KIAA1217: variants seen among roughly 807,000 people sequenced by gnomAD.
The protein encoded by KIAA1217 is KIAA1217, also known as sickle tail protein homolog.
KIAA1217 carries 88 observed loss-of-function variants against 163.9 expected under a neutral mutation model. The observed-to-expected ratio is 0.54, with a 90% CI of 0.45 to 0.64. KIAA1217 has a LOEUF of 0.64. Among genes scored for constraint, KIAA1217 ranks in the 30% least tolerant of loss-of-function variants. The pLI, the probability that KIAA1217 is intolerant of heterozygous loss-of-function variation, is 0.00. For missense variants in KIAA1217, 2,372 were observed against 2,475.0 expected (o/e 0.96, Z 0.88); for synonymous variants, 903 against 923.1 (o/e 0.98, Z 0.39).
At chr10:24,060,638 AT>A (rs1044445618) in intron 2 of KIAA1217, among the ~76,000 whole-genome samples, 12 of 151,994 alleles carry the variant, frequency 7.9e-5, no homozygotes, top group African/African-American at 2.9e-4. Context: ...CTACAAAAAA[AT>A]TTTTTTATGA....
intron 2 of KIAA1217, among the ~76,000 whole-genome samples, chr10:24,017,321 A>G (rs1247328767): frequency 2.6e-5 from 4 of 152,056 alleles, no homozygotes; most frequent in Non-Finnish European, 5.9e-5. Context: ...TGGCTTCCCA[A>G]AGTGCTGGGA....
chr10:24,116,597 C>G (rs534526294), intron 2 of KIAA1217, among the ~76,000 whole-genome samples: 52 of 152,034 alleles, frequency 3.4e-4, no homozygotes, highest in Non-Finnish European at 6.5e-4. Flanking sequence ...GCCCATGGGC[C>G]ATAGTTTGTG....
At chr10:24,381,135 C>A in intron 3 of KIAA1217, 68 bp downstream of exon 3, 1 of 1,140,618 alleles carries the variant, frequency 8.8e-7, no homozygotes, top group Non-Finnish European at 1.2e-6. Flanking sequence ...TACTACTGAA[C>A]CTATACTCTT....
intron 1 of KIAA1217, among the ~76,000 whole-genome samples, chr10:23,895,075 G>T (rs1158848339): frequency 6.6e-6 from 1 of 152,190 alleles, no homozygotes; most frequent in East Asian, 1.9e-4. Context: ...CAGGACATAG[G>T]CATGGGCAAG....
intron 1 of KIAA1217, among the ~76,000 whole-genome samples, chr10:23,956,242 T>G (rs1844551492): frequency 6.6e-6 from 1 of 152,122 alleles, no homozygotes; most frequent in Non-Finnish European, 1.5e-5. Flanking sequence ...AAAGCAGTCT[T>G]TTAGGATAGC....
At chr10:23,811,461 T>C (rs1837048715) in intron 1 of KIAA1217, among the ~76,000 whole-genome samples, 1 of 151,602 alleles carries the variant, frequency 6.6e-6, no homozygotes, top group South Asian at 2.1e-4. Flanking sequence ...AAACTAAAAT[T>C]ACAGTAAAAG....
chr10:24,509,165 A>T lies in KIAA1217; in HGVS notation c.2002-4094A>T, dbSNP rs140260358. ...ATTTACTTGAAGCATTTAGAGAAAG[A>T]TGGTGATCCACATCATATCTTTAGC... On this transcript the variant is annotated intron_variant, in intron 9 of 20. Transcript: ENST00000376454. 4.1e-3 allele frequency among the ~76,000 whole-genome samples: 620 copies of T among 152,344 alleles called. 3 individuals are homozygous for T. The highest frequency in any genetic ancestry group is 0.014 in the African/African-American group (593 of 41,578).
Position 23,790,300 on chromosome 10 carries a change from C to CATATGCAT in KIAA1217, c.-321+95071_-321+95078dup, listed in dbSNP as rs1393343048. On this transcript the variant is annotated intron_variant, in intron 1 of 18. Coordinates refer to the KIAA1217 transcript ENST00000376462. Reference sequence around the variant, plus strand: ...ATGCATATGCACATATGCATATGCACATATGCATATATACATATGCACATA... The same window carrying CATATGCAT: ...ATGCATATGCACATATGCATATGCACATATGCATATATGCATATATACATATGCACATA... Among the ~76,000 whole-genome samples the CATATGCAT allele has an allele frequency of 3.0e-5, 2 of 67,098 alleles. 1 individual carries two copies. Among genetic ancestry groups the CATATGCAT allele is most frequent in the Non-Finnish European group, 6.0e-5 (2 of 33,466 alleles). The allele number at this position is 67,098 out of a possible 152,430, so 44.0% of individuals were successfully genotyped here. A position where few individuals can be genotyped will look rare whatever the true frequency, so the allele number is the denominator to read the frequency against.
chr10:24,527,789 C>A, intron 13 of KIAA1217, 147 bp from the exon 14 acceptor site: 1 of 561,122 alleles, frequency 1.8e-6, no homozygotes, highest in South Asian at 2.8e-5. Context: ...CAGATTATTT[C>A]ATCACCCAGG....
At chr10:24,014,066 A>T (rs1847370991) in intron 2 of KIAA1217, among the ~76,000 whole-genome samples, 1 of 152,148 alleles carries the variant, frequency 6.6e-6, no homozygotes, top group African/African-American at 2.4e-5. Flanking sequence ...AGATACCAAC[A>T]CATTCTGCAG....
intron 1 of KIAA1217, among the ~76,000 whole-genome samples, chr10:23,857,299 C>T (rs1337772060): frequency 1.3e-5 from 2 of 152,248 alleles, no homozygotes; most frequent in South Asian, 2.1e-4. Context: ...TTTTTTGTCA[C>T]CTCTTCTGAG....
intron 1 of KIAA1217, among the ~76,000 whole-genome samples, chr10:23,721,741 A>T (rs968640101): frequency 6.6e-6 from 1 of 152,170 alleles, no homozygotes; most frequent in Admixed American, 6.6e-5. Context: ...AGACAATGAA[A>T]TAAATTAACA....
At position 24,533,130 on chromosome 10, in the gene KIAA1217, G is replaced by A. The variant is rs2073374691; in HGVS notation, c.3307G>A (p.Glu1103Lys). 1 of 1,613,742 alleles carries A rather than the reference G, an allele frequency of 6.2e-7. No individual in the cohort carries two copies. Among genetic ancestry groups the A allele is most frequent in the African/African-American group, 1.3e-5 (1 of 74,886 alleles). Residue 1103 changes from glutamate to lysine, a missense_variant, in exon 16 of 21, where the codon GAG becomes AAG. By Grantham distance (56) the Glu-to-Lys change is moderately conservative. Transcript: ENST00000376454. The stretch of plus-strand genomic sequence containing the variant: ...CAGAGCTACAAAATATCCAGCAGAG[G>A]AGCCTGCTTCAGCCTGGACCCCATC... ...QTRATKYPAE[E>K]PASAWTPSPP... is the part of the protein sequence containing the mutation.
chr10:24,183,074 G>C (rs998212693), intron 2 of KIAA1217, among the ~76,000 whole-genome samples: 2 of 152,194 alleles, frequency 1.3e-5, no homozygotes, highest in Non-Finnish European at 2.9e-5. Flanking sequence ...GTGCCCACAA[G>C]AGCGGGTTGC....
chr10:24,509,169 T>C (rs1336287782), intron 9 of KIAA1217, among the ~76,000 whole-genome samples: 1 of 152,228 alleles, frequency 6.6e-6, no homozygotes, highest in Non-Finnish European at 1.5e-5. Context: ...AGAAAGATGG[T>C]GATCCACATC....
At chr10:23,993,012 G>C (rs373307051) in intron 1 of KIAA1217, among the ~76,000 whole-genome samples, 6 of 148,126 alleles carry the variant, frequency 4.1e-5, no homozygotes, top group East Asian at 3.9e-4. Context: ...CATGAACAAA[G>C]GTACTCTGAT....
At chr10:23,773,757 C>G (rs1270661829) in intron 1 of KIAA1217, among the ~76,000 whole-genome samples, 1 of 152,040 alleles carries the variant, frequency 6.6e-6, no homozygotes, top group Non-Finnish European at 1.5e-5. Context: ...TGATTTGGCT[C>G]TCTGTCTGTT....
chr10:24,289,347 G>A (rs1233285170), intron 2 of KIAA1217, among the ~76,000 whole-genome samples: 1 of 152,130 alleles, frequency 6.6e-6, no homozygotes, highest in Non-Finnish European at 1.5e-5. Flanking sequence ...AAGGCTATAA[G>A]ATGTGTGGGC....
chr10:24,009,152 A>T (rs888503123), intron 2 of KIAA1217, among the ~76,000 whole-genome samples: 7 of 152,200 alleles, frequency 4.6e-5, no homozygotes, highest in African/African-American at 1.7e-4. Context: ...TTAAAGAATA[A>T]AATAAAGCTG....
Sources: gnomAD v4.1 joint callset for allele counts (sites outside exome capture counted in the v4.1 genomes callset) on GRCh38, gnomAD v4.1.1 for gene constraint, MANE v1.5 for transcripts, NCBI Gene and HGNC (gene_info 2026-07-23, HGNC 2026-07-21) for gene names.